CSMD1: variants seen among roughly 807,000 people sequenced by gnomAD.
CSMD1 encodes the protein CUB and Sushi multiple domains 1.
In CSMD1, 213 loss-of-function variants were observed where a neutral mutation model predicts 417.5. The ratio of observed to expected loss-of-function variants is 0.51; its 90% CI spans 0.46 to 0.57. The LOEUF is 0.57. Among genes scored for constraint, CSMD1 ranks in the 20% least tolerant of loss-of-function variants. The pLI, the probability that CSMD1 is intolerant of heterozygous loss-of-function variation, is 0.00. For synonymous variants in CSMD1, 2,862 were observed against 1,736.8 expected, an observed-to-expected ratio of 1.65 and a Z score of -16.11; for missense variants, 6,923 against 4,529.7, an observed-to-expected ratio of 1.53 and a Z score of -15.17.
At chr8:4,656,001 A>G (rs1362462332) in intron 1 of CSMD1, among the ~76,000 whole-genome samples, 2 of 152,058 alleles carry the variant, frequency 1.3e-5, no homozygotes, top group East Asian at 3.8e-4. Flanking sequence ...AAATAAACCT[A>G]CTCAATACAT....
chr8:3,053,694 C>G (rs1466204065), intron 49 of CSMD1, among the ~76,000 whole-genome samples: 2 of 152,136 alleles, frequency 1.3e-5, no homozygotes, highest in East Asian at 3.9e-4. Flanking sequence ...TTTGCTATGT[C>G]TGATCCAGAT....
chr8:3,465,393 A>C (rs1241403563), intron 12 of CSMD1, among the ~76,000 whole-genome samples: 1 of 152,180 alleles, frequency 6.6e-6, no homozygotes, highest in South Asian at 2.1e-4. Flanking sequence ...ACATATGCCC[A>C]AGCCTACGAG....
intron 5 of CSMD1, among the ~76,000 whole-genome samples, chr8:3,981,357 G>A (rs904655330): frequency 1.4e-4 from 22 of 152,030 alleles, no homozygotes; most frequent in Non-Finnish European, 2.2e-4. Context: ...AGAGTGGAAG[G>A]GGGGTGAAGG....
chr8:4,449,618 C>A (rs1418205546), intron 2 of CSMD1, among the ~76,000 whole-genome samples: 5 of 152,072 alleles, frequency 3.3e-5, no homozygotes, highest in African/African-American at 1.2e-4. Context: ...CTGCTGTAGC[C>A]AGAATACATC....
chr8:3,119,104 T>C (rs1455543698), intron 41 of CSMD1, among the ~76,000 whole-genome samples: 2 of 151,850 alleles, frequency 1.3e-5, no homozygotes, highest in African/African-American at 2.4e-5. Context: ...GGCGTGAACC[T>C]GGGAGGTGAA....
At chr8:4,446,558 G>A in intron 2 of CSMD1, among the ~76,000 whole-genome samples, 1 of 152,194 alleles carries the variant, frequency 6.6e-6, no homozygotes, top group African/African-American at 2.4e-5. Context: ...GCTTTGTTTT[G>A]TTTTGTTGTG....
At chr8:3,485,890 G>C (rs972314201) in intron 11 of CSMD1, among the ~76,000 whole-genome samples, 1 of 152,084 alleles carries the variant, frequency 6.6e-6, no homozygotes, top group Admixed American at 6.5e-5. Flanking sequence ...TCCTGGTTGT[G>C]ACATTTTACT....
intron 5 of CSMD1, among the ~76,000 whole-genome samples, chr8:3,946,384 T>A (rs1585013296): frequency 6.6e-6 from 1 of 152,282 alleles, no homozygotes; most frequent in South Asian, 2.1e-4. Flanking sequence ...GTCTCTGGAT[T>A]TTCTCGTCTA....
At chr8:4,341,501 A>C (rs1192767904) in intron 3 of CSMD1, among the ~76,000 whole-genome samples, 3 of 152,110 alleles carry the variant, frequency 2.0e-5, no homozygotes, top group Admixed American at 2.0e-4. Flanking sequence ...TCTGCATATC[A>C]TGAATGTGGC....
intron 3 of CSMD1, among the ~76,000 whole-genome samples, chr8:4,150,303 C>A (rs767138077): frequency 6.6e-6 from 1 of 152,172 alleles, no homozygotes; most frequent in Non-Finnish European, 1.5e-5. Context: ...TTCCTCAGCT[C>A]CCTGTTAGGA....
At chr8:4,401,809 C>A (rs1400737528) in intron 3 of CSMD1, among the ~76,000 whole-genome samples, 2 of 152,100 alleles carry the variant, frequency 1.3e-5, no homozygotes, top group Non-Finnish European at 2.9e-5. Flanking sequence ...TCTCACTCAC[C>A]CCTCCGTTCC....
intron 17 of CSMD1, among the ~76,000 whole-genome samples, chr8:3,388,733 T>G (rs563062800): frequency 7.9e-5 from 12 of 152,322 alleles, no homozygotes; most frequent in Admixed American, 2.0e-4. Flanking sequence ...AACAACAGAA[T>G]GTAACTGTCC....
intron 3 of CSMD1, among the ~76,000 whole-genome samples, chr8:4,376,516 CA>C (rs1418564189): frequency 6.6e-6 from 1 of 152,140 alleles, no homozygotes; most frequent in African/African-American, 2.4e-5. Flanking sequence ...ATTTTCCCCA[CA>C]GTATATTTAA....
chr8:3,842,235 C>A (rs1003536694), intron 5 of CSMD1, among the ~76,000 whole-genome samples: 15 of 152,204 alleles, frequency 9.9e-5, no homozygotes, highest in Non-Finnish European at 8.8e-5. Context: ...ATCTGCTTGT[C>A]CATTTCTCTG....
intron 1 of CSMD1, among the ~76,000 whole-genome samples, chr8:4,941,099 T>G (rs1190447176): frequency 6.6e-6 from 1 of 152,226 alleles, no homozygotes; most frequent in East Asian, 1.9e-4. Context: ...ATATTGAATT[T>G]TGGAGTTTGT....
intron 7 of CSMD1, among the ~76,000 whole-genome samples, chr8:3,666,026 G>A (rs1448397891): frequency 6.6e-6 from 1 of 152,112 alleles, no homozygotes. Flanking sequence ...CCACGGAGTA[G>A]GTGGGATTAC....
Position 3,405,942 on chromosome 8 carries a change from T to TA in CSMD1, c.2266+84dup, listed in dbSNP as rs1585115416. On this transcript the variant is annotated intron_variant, in intron 15 of 69. Transcript: ENST00000635120. ...TTTTGTTAGGGCAGCCCTAGCAAGC[T>TA]AACACAGTTTGTTGGTTTGTGTGTG... 6.0e-6 allele frequency: 8 copies of TA among 1,323,438 alleles called. No homozygotes were observed. The East Asian group carries it at 1.9e-4, about 31-fold the overall frequency. The allele number at this position is 1,323,438 out of a possible 1,614,324, so 82.0% of individuals were successfully genotyped here. A position where few individuals can be genotyped will look rare whatever the true frequency, so the allele number is the denominator to read the frequency against.
chr8:4,296,013 C>A lies in CSMD1; in HGVS notation c.415+123940G>T, dbSNP rs1293732840. Among the ~76,000 whole-genome samples, 3 of 151,854 alleles carry A rather than the reference C, an allele frequency of 2.0e-5. 1 individual carries two copies. The highest frequency in any genetic ancestry group is 2.1e-4 in the South Asian group (1 of 4,826). ...AAAAACCTAAAGACTTTATCTCCAA[C>A]AACATCTTAAAAATGAAACTGTCTA... On this transcript the variant is annotated intron_variant, in intron 3 of 69. Transcript: ENST00000635120.
At chr8:4,348,173 A>G (rs1186001142) in intron 3 of CSMD1, among the ~76,000 whole-genome samples, 1 of 152,196 alleles carries the variant, frequency 6.6e-6, no homozygotes, top group African/African-American at 2.4e-5. Context: ...TTTACTGCAT[A>G]TGATCTCTGG....
Sources: gnomAD v4.1 joint callset for allele counts (sites outside exome capture counted in the v4.1 genomes callset) on GRCh38, gnomAD v4.1.1 for gene constraint, MANE v1.5 for transcripts, NCBI Gene and HGNC (gene_info 2026-07-23, HGNC 2026-07-21) for gene names.